Variants in KCNU1 observed in about 807,000 individuals in gnomAD.
KCNU1 encodes potassium calcium-activated channel subfamily U member 1.
In KCNU1, 93 loss-of-function variants were observed where a neutral mutation model predicts 126.8. The observed-to-expected ratio is 0.73, with a 90% CI of 0.62 to 0.87. KCNU1 has a LOEUF of 0.87. Among genes scored for constraint, KCNU1 ranks in the 40% least tolerant of loss-of-function variants. The pLI, the probability that KCNU1 is intolerant of heterozygous loss-of-function variation, is 0.00. For missense variants in KCNU1, 1,330 were observed against 1,367.1 expected, an observed-to-expected ratio of 0.97 and a Z score of 0.43; for synonymous variants, 523 against 494.2, an observed-to-expected ratio of 1.06 and a Z score of -0.77.
At chr8:36,814,914 C>T (rs1240436243) in intron 8 of KCNU1, among the ~76,000 whole-genome samples, 1 of 152,174 alleles carries the variant, frequency 6.6e-6, no homozygotes, top group Non-Finnish European at 1.5e-5. Flanking sequence ...TTGATATCTA[C>T]CCATCCACGG....
At chr8:36,815,837 AC>A in intron 9 of KCNU1, 150 bp downstream of exon 9, 1 of 547,286 alleles carries the variant, frequency 1.8e-6, no homozygotes, top group East Asian at 3.3e-5. Flanking sequence ...ACTGTGCTAA[AC>A]TAAATACCGT....
intron 9 of KCNU1, among the ~76,000 whole-genome samples, chr8:36,815,944 G>A (rs537069015): frequency 6.6e-6 from 1 of 152,260 alleles, no homozygotes; most frequent in South Asian, 2.1e-4. Context: ...GTAATTCACT[G>A]TCAATAAATA....
intron 18 of KCNU1, among the ~76,000 whole-genome samples, chr8:36,848,834 T>C (rs2117280190): frequency 6.6e-6 from 1 of 152,212 alleles, no homozygotes; most frequent in South Asian, 2.1e-4. Context: ...TATCACATTT[T>C]CCTGGCCTAG....
intron 19 of KCNU1, among the ~76,000 whole-genome samples, chr8:36,893,786 A>AT (rs1160135588): frequency 1.3e-5 from 2 of 151,968 alleles, no homozygotes; most frequent in Admixed American, 6.6e-5. Context: ...GATTTTGATA[A>AT]TTTTTTTGTC....
At chr8:36,852,424 C>T (rs537017861) in intron 18 of KCNU1, among the ~76,000 whole-genome samples, 36 of 151,944 alleles carry the variant, frequency 2.4e-4, no homozygotes, top group East Asian at 7.7e-4. Context: ...TTTTTTGGAA[C>T]GGTTTGTGAA....
At chr8:36,867,239 G>T (rs78437271) in intron 19 of KCNU1, among the ~76,000 whole-genome samples, 5,917 of 152,164 alleles carry the variant, frequency 0.039, 166 homozygotes, top group South Asian at 0.067. Flanking sequence ...TGGAAAGATT[G>T]TTCTAGAAAG....
intron 12 of KCNU1, 102 bp downstream of exon 12, chr8:36,834,970 A>C (rs552288588): frequency 2.7e-6 from 2 of 751,110 alleles, no homozygotes; most frequent in East Asian, 2.8e-5. Flanking sequence ...GTCGTCTATC[A>C]TATCACTAGG....
Position 36,935,502 on chromosome 8 carries a change from A to G in KCNU1, c.3045-13A>G. 1 of 1,566,214 alleles carries G rather than the reference A, an allele frequency of 6.4e-7. No individual in the cohort carries two copies. The highest frequency in any genetic ancestry group is 8.7e-7 in the Non-Finnish European group (1 of 1,155,038). On this transcript the variant is annotated splice_polypyrimidine_tract_variant and intron_variant, in intron 26 of 26. Transcript: ENST00000399881. ...TGCAGAACCTCAGCATTTATCTTTGACTTGTCTTACAGGTTTGTGATCACC... is the reference window on the plus strand; with the variant it reads ...TGCAGAACCTCAGCATTTATCTTTGGCTTGTCTTACAGGTTTGTGATCACC...
intron 10 of KCNU1, among the ~76,000 whole-genome samples, chr8:36,828,050 T>C (rs183866146): frequency 1.2e-4 from 19 of 152,260 alleles, no homozygotes; most frequent in Admixed American, 6.5e-4. Context: ...TTAAAAGTTT[T>C]TAATATTATC....
chr8:36,911,684 A>C (rs1807882307), intron 22 of KCNU1, among the ~76,000 whole-genome samples: 1 of 152,172 alleles, frequency 6.6e-6, no homozygotes, highest in Non-Finnish European at 1.5e-5. Context: ...GGTGAGGGAG[A>C]TGCAAGGGTC....
intron 21 of KCNU1, among the ~76,000 whole-genome samples, chr8:36,910,463 G>C (rs776869740): frequency 1.3e-5 from 2 of 150,376 alleles, no homozygotes; most frequent in Non-Finnish European, 3.0e-5. Flanking sequence ...ATTGATCTCT[G>C]TTTTTCCACC....
chr8:36,866,777 AGAAAGAATAAGT>A (rs1415215664), intron 19 of KCNU1, among the ~76,000 whole-genome samples: 1 of 152,158 alleles, frequency 6.6e-6, no homozygotes, highest in Non-Finnish European at 1.5e-5. Flanking sequence ...CAGAGGCCAA[AGAAAGAATAAGT>A]GATAGTTTTT....
At chr8:36,827,968 T>C (rs960783557) in intron 10 of KCNU1, among the ~76,000 whole-genome samples, 2 of 152,164 alleles carry the variant, frequency 1.3e-5, no homozygotes, top group Non-Finnish European at 2.9e-5. Flanking sequence ...TCTTCATCAA[T>C]TGTGAGAATT....
chr8:36,844,725 C>T (rs1170017538), intron 16 of KCNU1, among the ~76,000 whole-genome samples: 3 of 152,148 alleles, frequency 2.0e-5, no homozygotes, highest in African/African-American at 7.2e-5. Context: ...ATTAAAACTT[C>T]ATCTCATTTC....
At chr8:36,919,756 A>G (rs1808272036) in intron 23 of KCNU1, among the ~76,000 whole-genome samples, 1 of 152,266 alleles carries the variant, frequency 6.6e-6, no homozygotes, top group South Asian at 2.1e-4. Flanking sequence ...ACCTGATTTT[A>G]CTAACCAGAA....
intron 10 of KCNU1, among the ~76,000 whole-genome samples, chr8:36,828,183 CTTCTTT>C (rs753512654): frequency 7.9e-5 from 12 of 151,904 alleles, no homozygotes; most frequent in Non-Finnish European, 1.5e-4. Flanking sequence ...ATTTAGTTTT[CTTCTTT>C]GAGTGTTAGA....
chr8:36,935,316 A>G (rs1808818933), intron 26 of KCNU1, among the ~76,000 whole-genome samples, 199 bp from the exon 27 acceptor site: 2 of 152,156 alleles, frequency 1.3e-5, no homozygotes, highest in Non-Finnish European at 2.9e-5. Flanking sequence ...TTCCTACTCT[A>G]GAACCTCTCC....
intron 23 of KCNU1, among the ~76,000 whole-genome samples, chr8:36,922,244 C>T (rs1808376250): frequency 6.6e-6 from 1 of 152,102 alleles, no homozygotes; most frequent in South Asian, 2.1e-4. Context: ...AGAAACTGAG[C>T]CTGTGCTCCA....
At chr8:36,797,984 C>T (rs1803167020) in intron 2 of KCNU1, among the ~76,000 whole-genome samples, 1 of 152,178 alleles carries the variant, frequency 6.6e-6, no homozygotes, top group Non-Finnish European at 1.5e-5. Context: ...CAAGACGAGG[C>T]ATGAAGCCTA....
Sources: allele counts gnomAD v4.1 joint callset (sites outside exome capture counted in the v4.1 genomes callset), GRCh38; gene constraint gnomAD v4.1.1; transcripts MANE v1.5; gene names NCBI Gene and HGNC (gene_info 2026-07-23, HGNC 2026-07-21).